PLEKHA6: variants seen among roughly 807,000 people sequenced by gnomAD.
The protein encoded by PLEKHA6 is pleckstrin homology domain containing A6, also known as pleckstrin homology domain-containing family A member 6.
PLEKHA6 carries 60 observed loss-of-function variants against 116.7 expected under a neutral mutation model. The ratio of observed to expected loss-of-function variants is 0.51; its 90% CI spans 0.42 to 0.64. The LOEUF (loss-of-function observed/expected upper bound fraction) is 0.64. Ranked by LOEUF, PLEKHA6 falls within the 30% of genes least tolerant of loss-of-function variation. The pLI is 0.00. For missense variants in PLEKHA6, 1,338 were observed against 1,422.7 expected, an observed-to-expected ratio of 0.94 and a Z score of 0.96; for synonymous variants, 489 against 556.1, an observed-to-expected ratio of 0.88 and a Z score of 1.70.
At chr1:204,282,401 A>G (rs1464908086) in intron 1 of PLEKHA6, among the ~76,000 whole-genome samples, 1 of 152,168 alleles carries the variant, frequency 6.6e-6, no homozygotes, top group African/African-American at 2.4e-5. Flanking sequence ...TAACTCTGCC[A>G]GTGATTCAAA....
intron 17 of PLEKHA6, among the ~76,000 whole-genome samples, chr1:204,231,255 T>C (rs1033494616): frequency 6.6e-6 from 1 of 152,184 alleles, no homozygotes; most frequent in African/African-American, 2.4e-5. Context: ...AAGAGATGAC[T>C]GGCAGAAATA....
At chr1:204,312,602 C>T (rs372842211) in intron 1 of PLEKHA6, among the ~76,000 whole-genome samples, 5 of 152,286 alleles carry the variant, frequency 3.3e-5, no homozygotes, top group Non-Finnish European at 7.4e-5. Context: ...CACCTTTTCT[C>T]GGCAGCGCTG....
chr1:204,241,953 G>T (rs1291679586), intron 15 of PLEKHA6, 139 bp from the exon 16 acceptor site: 2 of 912,340 alleles, frequency 2.2e-6, no homozygotes, highest in Non-Finnish European at 3.5e-6. Context: ...TATGTGTGCC[G>T]CCTGGGAGGC....
At position 204,244,884 on chromosome 1, in the gene PLEKHA6, T is replaced by TG. The variant is rs1663421720; in HGVS notation, c.2151dup (p.Thr718HisfsTer13). 1 of 1,560,726 alleles carries TG rather than the reference T, an allele frequency of 6.4e-7. No individual in the cohort carries two copies. The highest frequency in any genetic ancestry group is 2.4e-5 in the East Asian group (1 of 40,986). ...CTTACCTCGTTGGAGCCAGGCTTGGTGGGGGACCCCTGAGAGCCCGACACC... is the reference window on the plus strand; with the variant it reads ...CTTACCTCGTTGGAGCCAGGCTTGGTGGGGGGACCCCTGAGAGCCCGACACC... On this transcript the variant is annotated frameshift_variant, in exon 15 of 23. Transcript: ENST00000272203. LOFTEE classifies it high-confidence loss of function.
At chr1:204,328,734 T>C (rs1047135105) in intron 1 of PLEKHA6, among the ~76,000 whole-genome samples, 1 of 152,266 alleles carries the variant, frequency 6.6e-6, no homozygotes, top group African/African-American at 2.4e-5. Flanking sequence ...CTGTGCAGTG[T>C]CTGCACAGTC....
intron 1 of PLEKHA6, chr1:204,309,761 T>C: frequency 2.3e-6 from 2 of 854,604 alleles, no homozygotes; most frequent in Non-Finnish European, 2.8e-6. Context: ...AAATAATTTA[T>C]GTTAACTACC....
chr1:204,233,436 G>A (rs1661505234), intron 17 of PLEKHA6, among the ~76,000 whole-genome samples: 1 of 150,582 alleles, frequency 6.6e-6, no homozygotes, highest in East Asian at 2.0e-4. Context: ...TGCCTCCCAG[G>A]TTCAAGCGAT....
At position 204,228,618 on chromosome 1, in the gene PLEKHA6, C is replaced by G; in HGVS notation, c.2885+110G>C. On this transcript the variant is annotated intron_variant, in intron 20 of 22. Transcript: ENST00000272203. This position sits in a 1 kb window ranked among gnomAD's most constrained non-coding sequence, Gnocchi z 4.0. ...TGTCTGCTGCCTGGAGTCACCACCT[C>G]GATGTGCTCTCCCCTGGGGAGGCTC... 1 of 991,842 alleles carries G rather than the reference C, an allele frequency of 1.0e-6. No individual in the cohort carries two copies. The highest frequency in any genetic ancestry group is 1.6e-6 in the Non-Finnish European group (1 of 638,712). 61.4% of individuals were successfully genotyped at this position (991,842 alleles called of 1,614,324 possible).
chr1:204,257,239 G>T lies in PLEKHA6; in HGVS notation c.1524+114C>A. On this transcript the variant is annotated intron_variant, in intron 9 of 22. Transcript: ENST00000272203. The surrounding 1 kb of genome is among the most constrained non-coding windows in gnomAD (Gnocchi z 6.5). ...GCACTGCTGGTCCTGCAGACAAACG[G>T]CCCAGTGGCCCCGTGGCACAGATGC... 9.8e-7 allele frequency: 1 copy of T among 1,018,974 alleles called. No individual in the cohort carries two copies. Among genetic ancestry groups the T allele is most frequent in the Non-Finnish European group, 1.5e-6 (1 of 682,768 alleles). 63.1% of individuals were successfully genotyped at this position (1,018,974 alleles called of 1,614,324 possible).
At chr1:204,333,993 G>C (rs908063708) in intron 1 of PLEKHA6, among the ~76,000 whole-genome samples, 12 of 152,234 alleles carry the variant, frequency 7.9e-5, no homozygotes, top group African/African-American at 2.7e-4. Flanking sequence ...AGGAGGCCTA[G>C]CCTTGCACTA....
chr1:204,319,195 T>C (rs955236174), intron 1 of PLEKHA6, among the ~76,000 whole-genome samples: 2 of 152,204 alleles, frequency 1.3e-5, no homozygotes, highest in Non-Finnish European at 2.9e-5. Flanking sequence ...CCTTTCCCCG[T>C]GAGGCGCCCA....
Position 204,221,946 on chromosome 1 carries a change from C to T in PLEKHA6, c.*842G>A, listed in dbSNP as rs1041197135. ...CCACCGGGGGAAACCAATCTGATAT[C>T]CCCTTTCCATCTCCCTCCTTCCTGC... On this transcript the variant is annotated 3_prime_UTR_variant, in exon 23 of 23. Coordinates refer to ENST00000272203, the MANE Select transcript of PLEKHA6 (RefSeq NM_014935.5). 2.6e-5 allele frequency: 4 copies of T among 152,616 alleles called. No individual in the cohort carries two copies. In the Admixed American group the frequency reaches 2.6e-4, roughly 10 times the overall value. The allele number at this position is 152,616 out of a possible 1,614,324, so 9.5% of individuals were successfully genotyped here. A position where few individuals can be genotyped will look rare whatever the true frequency, so the allele number is the denominator to read the frequency against.
intron 1 of PLEKHA6, among the ~76,000 whole-genome samples, chr1:204,304,333 C>T (rs543601841): frequency 3.3e-5 from 5 of 152,260 alleles, no homozygotes; most frequent in South Asian, 2.1e-4. Context: ...AAACCTCTCA[C>T]AAAGTAAGAA....
chr1:204,333,044 C>T (rs568689323), intron 1 of PLEKHA6, among the ~76,000 whole-genome samples: 44 of 152,328 alleles, frequency 2.9e-4, no homozygotes, highest in African/African-American at 9.9e-4. Flanking sequence ...GCAATGCCTC[C>T]GCCAAATGAG....
intron 1 of PLEKHA6, among the ~76,000 whole-genome samples, chr1:204,275,172 C>A (rs990037213): frequency 2.0e-5 from 3 of 152,154 alleles, no homozygotes; most frequent in African/African-American, 7.2e-5. Context: ...CAGGTTCTCT[C>A]CCAGGGACGG....
In PLEKHA6 at chr1:204,257,909, G is replaced by A. The variant is rs775975566; in HGVS notation, c.1008-40C>T. 16 of 1,560,952 alleles carry A rather than the reference G, an allele frequency of 1.0e-5. No individual in the cohort carries two copies. The highest frequency in any genetic ancestry group is 1.8e-4 in the Middle Eastern group (1 of 5,638). On this transcript the variant is annotated intron_variant, in intron 8 of 22. Transcript: ENST00000272203. This position sits in a 1 kb window ranked among gnomAD's most constrained non-coding sequence, Gnocchi z 6.5. ...ACATTGTAATGAAGGCAGACAACAC[G>A]GGCACCCCTCCACCCACCCCAGCCC...
intron 1 of PLEKHA6, among the ~76,000 whole-genome samples, chr1:204,341,671 G>A (rs1672851277): frequency 6.6e-6 from 1 of 152,174 alleles, no homozygotes; most frequent in African/African-American, 2.4e-5. Context: ...ATTTGCTACT[G>A]ACAAAGCTGG....
At chr1:204,294,583 T>A (rs1041024888) in intron 1 of PLEKHA6, among the ~76,000 whole-genome samples, 2 of 152,210 alleles carry the variant, frequency 1.3e-5, no homozygotes, top group African/African-American at 4.8e-5. Context: ...TCATGCATCA[T>A]CCTACCAGCT....
At position 204,244,918 on chromosome 1, in the gene PLEKHA6, G is replaced by T; in HGVS notation, c.2118C>A (p.Pro706=). The T allele has an allele frequency of 6.5e-7, 1 of 1,529,034 alleles. No individual in the cohort carries two copies. Among genetic ancestry groups the T allele is most frequent in the Non-Finnish European group, 8.8e-7 (1 of 1,135,148 alleles). 94.7% of individuals were successfully genotyped at this position (1,529,034 alleles called of 1,614,324 possible). Residue 706 remains proline (P), a synonymous_variant, in exon 15 of 23, where the codon CCC becomes CCA. Transcript: ENST00000272203. Reference sequence around the variant, plus strand: ...CCTGAGAGCCCGACACCAGTGAAAAGGGGCTCAGGGGGCTGGTGAGGCTGG... The same window carrying T: ...CCTGAGAGCCCGACACCAGTGAAAATGGGCTCAGGGGGCTGGTGAGGCTGG... ...SSASLTSPLS[P]FSLVSGSQGS...
Sources: allele counts gnomAD v4.1 joint callset (sites outside exome capture counted in the v4.1 genomes callset), GRCh38; gene constraint gnomAD v4.1.1; non-coding constraint Gnocchi (gnomAD v3.1); transcripts MANE v1.5; gene names NCBI Gene and HGNC (gene_info 2026-07-23, HGNC 2026-07-21).